Variants in EPG5 observed in about 807,000 individuals in gnomAD.
EPG5 encodes the protein ectopic P granules protein 5 homolog.
EPG5 carries 159 observed loss-of-function variants against 302.7 expected under a neutral mutation model. That is an observed-to-expected ratio of 0.53 (90% confidence interval 0.46 to 0.60). The LOEUF (loss-of-function observed/expected upper bound fraction) is 0.60, where lower values mean the gene tolerates loss of function less well. Among genes scored for constraint, EPG5 ranks in the 20% least tolerant of loss-of-function variants. The probability of loss-of-function intolerance (pLI) is 0.00; values close to 1 mark genes in which losing one functional copy is unlikely to be tolerated. For missense variants in EPG5, 2,896 were observed against 3,092.4 expected (o/e 0.94, Z 1.51); for synonymous variants, 1,158 against 1,136.8 (o/e 1.02, Z -0.37).
chr18:45,882,198 A>C, intron 31 of EPG5, 76 bp downstream of exon 31: 3 of 1,242,818 alleles, frequency 2.4e-6, no homozygotes, highest in Non-Finnish European at 3.5e-6. Flanking sequence ...TCTTTGAATA[A>C]CATCTGTAAG....
At chr18:45,882,557 G>T in intron 30 of EPG5, 70 bp from the exon 31 acceptor site, 1 of 1,322,782 alleles carries the variant, frequency 7.6e-7, no homozygotes, top group Non-Finnish European at 1.0e-6. Context: ...AGAGAGGTCT[G>T]TGTAAATTTA....
chr18:45,815,171 G>T, the EPG5 span, among the ~76,000 whole-genome samples: 3 of 152,136 alleles, frequency 2.0e-5, no homozygotes, highest in African/African-American at 7.2e-5. Flanking sequence ...CAGTAAAAAT[G>T]GAGACAACAT....
intron 13 of EPG5, among the ~76,000 whole-genome samples, chr18:45,927,599 C>T (rs1310555977): frequency 8.5e-6 from 1 of 118,030 alleles, no homozygotes; most frequent in African/African-American, 3.3e-5. Context: ...GTTATACACA[C>T]ACACACACAC....
the EPG5 span, chr18:45,825,813 C>A: frequency 6.2e-7 from 1 of 1,613,010 alleles, no homozygotes; most frequent in East Asian, 2.2e-5. Flanking sequence ...GGCCCATGCT[C>A]GGGACAGAAT....
At chr18:45,866,773 C>A (rs1250145965) in intron 38 of EPG5, 25 bp downstream of exon 38, 1 of 1,579,266 alleles carries the variant, frequency 6.3e-7, no homozygotes, top group Non-Finnish European at 8.7e-7. Context: ...ACAGTCTCTG[C>A]CTTTTAAACT....
At chr18:45,952,666 A>G (rs1223811933) in intron 2 of EPG5, 23 bp from the exon 3 acceptor site, 8 of 1,611,322 alleles carry the variant, frequency 5.0e-6, no homozygotes, top group Non-Finnish European at 6.8e-6. Context: ...AAAAAGGTAC[A>G]ATATGAAACC....
Position 45,903,595 on chromosome 18 carries a change from T to C in EPG5, c.4474+378A>G, listed in dbSNP as rs182070264. ...AGGTTACCCCAAATATCAGCAACTTTATAGGTTAAATGGGCTTTTGTGGCC... is the reference window on the plus strand; with the variant it reads ...AGGTTACCCCAAATATCAGCAACTTCATAGGTTAAATGGGCTTTTGTGGCC... On this transcript the variant is annotated intron_variant, in intron 25 of 43. Coordinates refer to ENST00000282041, the MANE Select transcript of EPG5 (RefSeq NM_020964.3). 1.6e-3 allele frequency among the ~76,000 whole-genome samples: 247 copies of C among 152,328 alleles called. 1 individual carries two copies. Among genetic ancestry groups the C allele is most frequent in the African/African-American group, 5.6e-3 (232 of 41,568 alleles).
chr18:45,822,988 A>C, the EPG5 span, among the ~76,000 whole-genome samples: 2 of 152,210 alleles, frequency 1.3e-5, no homozygotes, highest in Non-Finnish European at 2.9e-5. Flanking sequence ...AAGATAGACA[A>C]AAATATCAAA....
Position 45,946,670 on chromosome 18 carries a change from C to T in EPG5, c.1670G>A (p.Gly557Glu). The change falls in exon 7 of 44, where the codon GGA becomes GAA. Residue 557 changes from glycine to glutamate, a missense_variant. By Grantham distance (98) the Gly-to-Glu change is moderately conservative. Coordinates refer to ENST00000282041, the MANE Select transcript of EPG5 (RefSeq NM_020964.3). ...SGTWTLVDEGGEEDEDPETSW... is the reference protein window; with the variant it reads ...SGTWTLVDEGEEEDEDPETSW... ...GCAGATATGACAAGTTACCTCTTCT[C>T]CTCCTTCGTCTACTAGCGTCCAAGT... 6.2e-7 allele frequency: 1 copy of T among 1,613,160 alleles called. No individual in the cohort carries two copies. The highest frequency in any genetic ancestry group is 8.5e-7 in the Non-Finnish European group (1 of 1,179,250).
chr18:45,955,204 G>A lies in EPG5; in HGVS notation c.198C>T (p.Ser66=). ...KGDHLKVVTD[S]QLQDDASGQN... is the part of the protein sequence containing the mutation. ...GTCCACTGGCATCATCCTGGAGCTG[G>A]GAATCAGTTACCACCTTCAGATGGT... Residue 66 remains serine, a synonymous_variant, in exon 2 of 44, where the codon TCC becomes TCT. Coordinates refer to ENST00000282041, the MANE Select transcript of EPG5 (RefSeq NM_020964.3). The A allele has an allele frequency of 6.2e-7, 1 of 1,614,128 alleles. No homozygotes were observed. Among genetic ancestry groups the A allele is most frequent in the Non-Finnish European group, 8.5e-7 (1 of 1,180,020 alleles).
intron 1 of EPG5, among the ~76,000 whole-genome samples, chr18:45,958,066 T>C (rs535836325): frequency 1.5e-4 from 23 of 152,302 alleles, no homozygotes; most frequent in African/African-American, 5.5e-4. Context: ...AAAATGAAAT[T>C]AGTAAAACAA....
chr18:45,954,770 C>G lies in EPG5; in HGVS notation c.632G>C (p.Arg211Thr). 2 of 1,613,912 alleles carry G rather than the reference C, an allele frequency of 1.2e-6. No individual in the cohort carries two copies. Among genetic ancestry groups the G allele is most frequent in the Non-Finnish European group, 1.7e-6 (2 of 1,179,934 alleles). ...CAACTGGGGATACAGTTTCTTCACT[C>G]TAGGTGTCTGAAAACCATGTTTGGC... ...CPAKHGFQTP[R>T]VKKLYPQLPA... Residue 211 changes from arginine to threonine, a missense_variant, in exon 2 of 44, where the codon AGA becomes ACA. Around this residue, in one of 5 missense-constraint regions of EPG5, gnomAD observed 1,390 missense variants for 1,430.0 expected, o/e 0.97. Coordinates refer to ENST00000282041, the MANE Select transcript of EPG5 (RefSeq NM_020964.3).
In EPG5 at chr18:45,858,639, T is replaced by C. The variant is rs201195321; in HGVS notation, c.7153A>G (p.Ser2385Gly). The C allele has an allele frequency of 6.2e-7, 1 of 1,614,194 alleles. No individual in the cohort carries two copies. The highest frequency in any genetic ancestry group is 1.3e-5 in the African/African-American group (1 of 75,046). ...LYVYLLQCLN[S>G]EQTLRNEMKV... is the part of the protein sequence containing the mutation. ...ATTTCATTCCTTAAAGTCTGTTCGCTGTTTAAACACTGAAGCAAGTAGACG... is the reference window on the plus strand; with the variant it reads ...ATTTCATTCCTTAAAGTCTGTTCGCCGTTTAAACACTGAAGCAAGTAGACG... Residue 2385 changes from serine (S) to glycine (G), a missense_variant, in exon 41 of 44, where the codon AGC (serine) becomes GGC (glycine). Around this residue, in one of 5 missense-constraint regions of EPG5, gnomAD observed 620 missense variants for 704.2 expected, o/e 0.88. Coordinates refer to ENST00000282041, the MANE Select transcript of EPG5 (RefSeq NM_020964.3).
chr18:45,943,326 G>C lies in EPG5; in HGVS notation c.1793-15C>G, dbSNP rs1255796668. On this transcript the variant is annotated splice_polypyrimidine_tract_variant and intron_variant, in intron 8 of 43. Coordinates refer to ENST00000282041, the MANE Select transcript of EPG5 (RefSeq NM_020964.3). Reference sequence around the variant, plus strand: ...TAAATAATCACCTAGAAGTTAATCAGATAAAAGAAAAAAATCATAGTTACT... The same window carrying C: ...TAAATAATCACCTAGAAGTTAATCACATAAAAGAAAAAAATCATAGTTACT... The C allele has an allele frequency of 6.2e-7, 1 of 1,603,866 alleles. No individual in the cohort carries two copies. The highest frequency in any genetic ancestry group is 1.7e-5 in the Admixed American group (1 of 59,008).
chr18:45,835,565 G>C, the EPG5 span, among the ~76,000 whole-genome samples: 1 of 152,210 alleles, frequency 6.6e-6, no homozygotes, highest in Admixed American at 6.5e-5. Flanking sequence ...TCATTTCGTA[G>C]AGGTCAGTCA....
chr18:45,833,704 T>C, the EPG5 span, among the ~76,000 whole-genome samples: 2 of 152,042 alleles, frequency 1.3e-5, no homozygotes, highest in African/African-American at 2.4e-5. Context: ...TCAAAAAGAG[T>C]TTACTGCTGT....
intron 24 of EPG5, among the ~76,000 whole-genome samples, chr18:45,907,700 G>A (rs1386132434): frequency 6.6e-6 from 1 of 151,990 alleles, no homozygotes; most frequent in Non-Finnish European, 1.5e-5. Context: ...TCAGAGGAAG[G>A]TTATGTTTAT....
chr18:45,928,767 C>T (rs1205209551), intron 13 of EPG5, 102 bp downstream of exon 13: 2 of 1,130,438 alleles, frequency 1.8e-6, no homozygotes, highest in East Asian at 2.4e-5. Flanking sequence ...CCTGTTTATA[C>T]CCCTAGTGAC....
At chr18:45,871,398 T>C (rs1341709009) in intron 35 of EPG5, among the ~76,000 whole-genome samples, 1 of 152,154 alleles carries the variant, frequency 6.6e-6, no homozygotes. Flanking sequence ...AAAAATAGAC[T>C]ACCATATGAT....
Sources: allele counts gnomAD v4.1 joint callset (sites outside exome capture counted in the v4.1 genomes callset), GRCh38; gene constraint gnomAD v4.1.1; regional missense constraint gnomAD v4.1.1; transcripts MANE v1.5; gene names NCBI Gene and HGNC (gene_info 2026-07-23, HGNC 2026-07-21).